The following SNED1 variants were observed in gnomAD, a reference collection of about 807,000 sequenced individuals.
SNED1 encodes the protein sushi, nidogen and EGF like domains 1, also known as sushi, nidogen and EGF-like domain-containing protein 1.
SNED1 carries 81 observed loss-of-function variants against 166.7 expected under a neutral mutation model. That is an observed-to-expected ratio of 0.49 (90% confidence interval 0.41 to 0.58). The LOEUF is 0.58. Among genes scored for constraint, SNED1 ranks in the 20% least tolerant of loss-of-function variants. The pLI, the probability that SNED1 is intolerant of heterozygous loss-of-function variation, is 0.00. For missense variants in SNED1, 1,604 were observed against 2,000.2 expected, an observed-to-expected ratio of 0.80 and a Z score of 3.78; for synonymous variants, 762 against 822.0, an observed-to-expected ratio of 0.93 and a Z score of 1.25.
At chr2:241,039,805 C>T (rs1260574449) in intron 6 of SNED1, among the ~76,000 whole-genome samples, 1 of 152,138 alleles carries the variant, frequency 6.6e-6, no homozygotes, top group Non-Finnish European at 1.5e-5. Context: ...TTCCATGCAC[C>T]CCCATTTGCC....
At chr2:241,011,949 G>A (rs1026152954) in intron 1 of SNED1, among the ~76,000 whole-genome samples, 3 of 152,344 alleles carry the variant, frequency 2.0e-5, no homozygotes, top group African/African-American at 2.4e-5. Flanking sequence ...AGCCCCCAGC[G>A]GGGAGGGCAG....
At chr2:241,063,557 C>T in intron 17 of SNED1, 30 bp from the exon 18 acceptor site, 1 of 1,490,524 alleles carries the variant, frequency 6.7e-7, no homozygotes, top group Non-Finnish European at 9.2e-7. Flanking sequence ...CTTGAGCCAG[C>T]AACACCCTTG....
intron 1 of SNED1, among the ~76,000 whole-genome samples, chr2:241,017,743 C>T (rs1405890615): frequency 2.6e-5 from 4 of 152,226 alleles, no homozygotes; most frequent in African/African-American, 4.8e-5. Flanking sequence ...AATCCCACAG[C>T]GGGACCTCAA....
intron 15 of SNED1, 43 bp downstream of exon 15, chr2:241,052,511 G>C (rs764223993): frequency 4.9e-5 from 72 of 1,462,396 alleles, no homozygotes; most frequent in Non-Finnish European, 6.6e-5. Context: ...TGGGATACCA[G>C]TGCCAGGCAG....
chr2:241,086,313 G>A (rs2063572585), intron 29 of SNED1, among the ~76,000 whole-genome samples: 1 of 152,118 alleles, frequency 6.6e-6, no homozygotes, highest in Non-Finnish European at 1.5e-5. Flanking sequence ...AGGCCCAAGG[G>A]GACCCTACAC....
At chr2:241,049,766 C>A in intron 11 of SNED1, 51 bp from the exon 12 acceptor site, 1 of 1,449,298 alleles carries the variant, frequency 6.9e-7, no homozygotes, top group Non-Finnish European at 9.7e-7. Context: ...TCTTGCCGCC[C>A]GCACAGATGC....
chr2:241,087,030 C>T (rs574825151), intron 29 of SNED1: 1 of 186,274 alleles, frequency 5.4e-6, no homozygotes, highest in Non-Finnish European at 1.1e-5. Context: ...CCCAGAAAAA[C>T]AGAAAAGCGA....
intron 8 of SNED1, chr2:241,041,431 T>A (rs558165494): frequency 6.5e-6 from 1 of 153,250 alleles, no homozygotes; most frequent in African/African-American, 2.4e-5. Flanking sequence ...ATGCCTGTAA[T>A]CCCAGCACTT....
At chr2:241,071,948 C>G (rs761635333) in intron 26 of SNED1, 70 bp downstream of exon 26, 93 of 1,262,868 alleles carry the variant, frequency 7.4e-5, no homozygotes, top group Admixed American at 5.9e-5. Context: ...TCACCAGGTC[C>G]TGTCCCCTAC....
In SNED1 at chr2:241,092,121, G is replaced by A. The variant is rs994088258; in HGVS notation, c.*485G>A. 1.3e-5 allele frequency: 2 copies of A among 152,424 alleles called. No homozygotes were observed. Among genetic ancestry groups the A allele is most frequent in the Admixed American group, 6.5e-5 (1 of 15,304 alleles). The allele number at this position is 152,424 out of a possible 1,614,324, so 9.4% of individuals were successfully genotyped here. ...ACAGAGACGGGGGCAGGGGCTGAAGGGCAGAGACCAGGTGATGTCAGAAGG... is the reference window on the plus strand; with the variant it reads ...ACAGAGACGGGGGCAGGGGCTGAAGAGCAGAGACCAGGTGATGTCAGAAGG... On this transcript the variant is annotated 3_prime_UTR_variant, in exon 32 of 32. Transcript: ENST00000310397. The surrounding 1 kb of genome is among the most constrained non-coding windows in gnomAD (Gnocchi z 4.6).
At chr2:241,070,745 G>T (rs1300611248) in intron 24 of SNED1, among the ~76,000 whole-genome samples, 1 of 152,206 alleles carries the variant, frequency 6.6e-6, no homozygotes, top group African/African-American at 2.4e-5. Flanking sequence ...CTCCACCAGG[G>T]TCCCGAACGC....
chr2:241,036,006 G>C (rs1187516874), intron 4 of SNED1, among the ~76,000 whole-genome samples: 1 of 105,656 alleles, frequency 9.5e-6, no homozygotes, highest in South Asian at 3.8e-4. Flanking sequence ...TCACGGGGAG[G>C]GGAGTGGGGG....
chr2:241,009,697 C>T (rs1469756348), intron 1 of SNED1, among the ~76,000 whole-genome samples: 1 of 152,088 alleles, frequency 6.6e-6, no homozygotes, highest in Non-Finnish European at 1.5e-5. Context: ...GCGCTGAATG[C>T]AGCTCAGATG....
Position 241,048,676 on chromosome 2 carries a change from T to TG in SNED1, c.1415dup (p.Cys472TrpfsTer2). On this transcript the variant is annotated frameshift_variant, in exon 10 of 32. Coordinates refer to ENST00000310397, the MANE Select transcript of SNED1 (RefSeq NM_001080437.3). LOFTEE classifies it high-confidence loss of function. The stretch of plus-strand genomic sequence containing the variant: ...CTTCGTGGCAGGAGTCCCCGATGAC[T>TG]GTGAGTGCCGCAACGGAGGCAGATG... The TG allele has an allele frequency of 6.2e-7, 1 of 1,611,200 alleles. No homozygotes were observed. The highest frequency in any genetic ancestry group is 8.5e-7 in the Non-Finnish European group (1 of 1,178,922).
chr2:241,071,548 C>A, intron 24 of SNED1, 28 bp from the exon 25 acceptor site: 1 of 1,567,778 alleles, frequency 6.4e-7, no homozygotes, highest in African/African-American at 1.3e-5. Flanking sequence ...AGCCCCAGAC[C>A]AGCCCCTTCC....
intron 1 of SNED1, among the ~76,000 whole-genome samples, chr2:241,019,060 C>G (rs1040328951): frequency 1.3e-5 from 2 of 152,058 alleles, no homozygotes; most frequent in Admixed American, 1.3e-4. Context: ...TGTTCAGGAC[C>G]AGGAGCACAT....
chr2:241,089,972 T>A, intron 31 of SNED1: 1 of 1,546,386 alleles, frequency 6.5e-7, no homozygotes, highest in East Asian at 2.4e-5. Flanking sequence ...AGATAAAAAA[T>A]GGTATACCTG....
intron 8 of SNED1, among the ~76,000 whole-genome samples, chr2:241,045,831 T>C (rs890074098): frequency 1.3e-5 from 2 of 152,202 alleles, no homozygotes; most frequent in Admixed American, 6.5e-5. Flanking sequence ...TTAAAACTTT[T>C]GCTTTGTGAA....
At chr2:241,020,715 C>A (rs939475749) in intron 1 of SNED1, among the ~76,000 whole-genome samples, 4 of 152,178 alleles carry the variant, frequency 2.6e-5, no homozygotes, top group African/African-American at 4.8e-5. Flanking sequence ...CCAGTAGCCA[C>A]CCCACCTTAA....
Sources: allele counts gnomAD v4.1 joint callset (sites outside exome capture counted in the v4.1 genomes callset), GRCh38; gene constraint gnomAD v4.1.1; non-coding constraint Gnocchi (gnomAD v3.1); transcripts MANE v1.5; gene names NCBI Gene and HGNC (gene_info 2026-07-23, HGNC 2026-07-21).